The following LRRC69 variants were observed in gnomAD, a reference collection of about 807,000 sequenced individuals.
The protein encoded by LRRC69 is leucine-rich repeat-containing protein 69.
In LRRC69, 42 loss-of-function variants were observed where a neutral mutation model predicts 37.8. That is an observed-to-expected ratio of 1.11 (90% confidence interval 0.87 to 1.44). The LOEUF is 1.44. LRRC69 is among the 40% of genes most tolerant of loss of function. The pLI is 0.00. For synonymous variants in LRRC69, 141 were observed against 143.1 expected, an observed-to-expected ratio of 0.99 and a Z score of 0.11; for missense variants, 357 against 401.9, an observed-to-expected ratio of 0.89 and a Z score of 0.96.
At chr8:91,128,118 T>C (rs542890551) in intron 3 of LRRC69, among the ~76,000 whole-genome samples, 4 of 151,996 alleles carry the variant, frequency 2.6e-5, no homozygotes, top group Non-Finnish European at 4.4e-5. Context: ...GATGTATATA[T>C]TGATGATGAT....
intron 5 of LRRC69, among the ~76,000 whole-genome samples, chr8:91,156,759 C>T (rs566012363): frequency 2.0e-5 from 3 of 151,082 alleles, no homozygotes; most frequent in South Asian, 2.1e-4. Flanking sequence ...TCAGGTCTTA[C>T]ATTTAAGTCT....
At chr8:91,219,212 A>G (rs1810115477), downstream of LRRC69, 1 of 357,008 alleles carries the variant, frequency 2.8e-6, no homozygotes, top group Non-Finnish European at 5.0e-6. Flanking sequence ...TTGGCTTAAA[A>G]AAGTACAAAA....
chr8:91,128,561 C>T (rs1045359878), intron 3 of LRRC69, among the ~76,000 whole-genome samples: 1 of 151,940 alleles, frequency 6.6e-6, no homozygotes, highest in Non-Finnish European at 1.5e-5. Flanking sequence ...AAAGTTTCTT[C>T]ACTTTCCTAT....
intron 7 of LRRC69, among the ~76,000 whole-genome samples, chr8:91,215,840 T>A (rs1273263552): frequency 6.6e-6 from 1 of 152,176 alleles, no homozygotes; most frequent in Non-Finnish European, 1.5e-5. Flanking sequence ...AGGGAGTGTC[T>A]TATTCCTTTG....
chr8:91,108,770 A>G (rs1367722831), intron 1 of LRRC69, among the ~76,000 whole-genome samples: 4 of 151,988 alleles, frequency 2.6e-5, no homozygotes, highest in Admixed American at 6.6e-5. Flanking sequence ...TATCATTAGT[A>G]TTAGTGTATT....
intron 5 of LRRC69, among the ~76,000 whole-genome samples, chr8:91,153,759 C>A (rs941936660): frequency 4.6e-5 from 7 of 151,780 alleles, no homozygotes; most frequent in Admixed American, 4.6e-4. Context: ...CATAAGAAAG[C>A]TAGAAAGATC....
chr8:91,206,608 G>A (rs1809809500), intron 7 of LRRC69: 4 of 1,153,282 alleles, frequency 3.5e-6, no homozygotes, highest in Non-Finnish European at 4.5e-6. Context: ...CCTTAGACAA[G>A]TTGCCATGTT....
At chr8:91,150,240 T>C (rs915551079) in intron 5 of LRRC69, among the ~76,000 whole-genome samples, 3 of 151,976 alleles carry the variant, frequency 2.0e-5, no homozygotes, top group Admixed American at 2.0e-4. Context: ...ATAGCTCTTA[T>C]TATTTTGAGA....
intron 5 of LRRC69, among the ~76,000 whole-genome samples, chr8:91,142,987 G>A (rs1248171650): frequency 6.6e-6 from 1 of 152,036 alleles, no homozygotes; most frequent in African/African-American, 2.4e-5. Flanking sequence ...ATAGAAACTA[G>A]GATTTTGGTA....
intron 5 of LRRC69, among the ~76,000 whole-genome samples, chr8:91,173,188 T>C: frequency 6.6e-6 from 1 of 152,000 alleles, no homozygotes; most frequent in East Asian, 1.9e-4. Flanking sequence ...GGTAGTCTAG[T>C]CCACAGAGCT....
Position 91,133,094 on chromosome 8 carries a change from GTTT to G in LRRC69, c.384-5_384-3del, listed in dbSNP as rs377280341. On this transcript the variant is annotated splice_polypyrimidine_tract_variant and intron_variant, in intron 3 of 7. Coordinates refer to ENST00000448384, the Ensembl canonical transcript of LRRC69. ...GTGAGTTTCATTCATATACTTTGGT[GTTT>G]TTTTTTTTTTAGATTAAAAAGTCTT... 32 of 1,160,200 alleles carry G rather than the reference GTTT, an allele frequency of 2.8e-5. No individual in the cohort carries two copies. The highest frequency in any genetic ancestry group is 1.9e-4 in the Admixed American group (6 of 32,184). 71.9% of individuals were successfully genotyped at this position (1,160,200 alleles called of 1,614,324 possible). A position where few individuals can be genotyped will look rare whatever the true frequency, so the allele number is the denominator to read the frequency against.
intron 5 of LRRC69, among the ~76,000 whole-genome samples, chr8:91,165,048 T>G (rs926108579): frequency 1.3e-5 from 2 of 151,566 alleles, no homozygotes; most frequent in African/African-American, 4.8e-5. Flanking sequence ...GAAGGTTCAT[T>G]TGAGATGGGA....
intron 7 of LRRC69, among the ~76,000 whole-genome samples, chr8:91,211,428 A>C (rs1809915730): frequency 6.6e-6 from 1 of 151,396 alleles, no homozygotes; most frequent in African/African-American, 2.4e-5. Flanking sequence ...AGATGTTAGC[A>C]GTTAAAAAAA....
chr8:91,103,931 G>A lies in LRRC69; in HGVS notation c.183+1087G>A, dbSNP rs141955814. Among the ~76,000 whole-genome samples, 52 of 151,716 alleles carry A rather than the reference G, an allele frequency of 3.4e-4. 1 individual carries two copies. In the East Asian group the frequency reaches 7.0e-3, roughly 20 times the overall value. ...TTCCATTAAAGTAGTACTAACCATT[G>A]GTTACCGAGAATTAAATATTACAAA... On this transcript the variant is annotated intron_variant, in intron 1 of 7. Coordinates refer to ENST00000448384, the Ensembl canonical transcript of LRRC69.
chr8:91,136,850 T>G (rs1178954263), intron 5 of LRRC69, among the ~76,000 whole-genome samples: 1 of 152,054 alleles, frequency 6.6e-6, no homozygotes, highest in Non-Finnish European at 1.5e-5. Context: ...TAGTAAAATA[T>G]GACTAACATT....
intron 1 of LRRC69, among the ~76,000 whole-genome samples, chr8:91,118,837 C>A (rs1052952306): frequency 2.6e-5 from 4 of 152,044 alleles, no homozygotes; most frequent in African/African-American, 9.6e-5. Context: ...TTCTGTATAT[C>A]TGCTATTTCT....
chr8:91,134,086 C>G (rs1204085772), intron 4 of LRRC69, among the ~76,000 whole-genome samples: 1 of 150,948 alleles, frequency 6.6e-6, no homozygotes, highest in Admixed American at 6.6e-5. Context: ...GGAGACTGAC[C>G]TGTGTGGGCA....
At chr8:91,117,861 T>G (rs1813539009) in intron 1 of LRRC69, among the ~76,000 whole-genome samples, 1 of 151,818 alleles carries the variant, frequency 6.6e-6, no homozygotes, top group South Asian at 2.1e-4. Context: ...CTCCATCTTT[T>G]CAGAGAGGGG....
chr8:91,120,697 G>A lies in LRRC69; in HGVS notation c.184-3796G>A, dbSNP rs1414280050. Among the ~76,000 whole-genome samples, 2 of 152,088 alleles carry A rather than the reference G, an allele frequency of 1.3e-5. 1 individual carries two copies. The highest frequency in any genetic ancestry group is 1.3e-4 in the Admixed American group (2 of 15,266). On this transcript the variant is annotated intron_variant, in intron 1 of 7. Coordinates refer to ENST00000448384, the Ensembl canonical transcript of LRRC69. ...CACGGGATAAATTCATGGTAGCTGC[G>A]GATGGAGCACGACTCAGCTGTGGGA...
Sources: allele counts gnomAD v4.1 joint callset (sites outside exome capture counted in the v4.1 genomes callset), GRCh38; gene constraint gnomAD v4.1.1; transcripts MANE v1.5; gene names NCBI Gene and HGNC (gene_info 2026-07-23, HGNC 2026-07-21).